KCNQ4: variants seen among roughly 807,000 people sequenced by gnomAD.
KCNQ4 encodes potassium voltage-gated channel subfamily Q member 4, also known as potassium voltage-gated channel subfamily KQT member 4.
A neutral mutation model predicts 72.6 loss-of-function variants in KCNQ4; 31 were observed. That is an observed-to-expected ratio of 0.43 (90% confidence interval 0.32 to 0.58). The LOEUF is 0.58. KCNQ4 is among the 20% of genes least tolerant of loss of function. The pLI, the probability that KCNQ4 is intolerant of heterozygous loss-of-function variation, is 0.08. For missense variants in KCNQ4, 869 were observed against 962.6 expected, an observed-to-expected ratio of 0.90 and a Z score of 1.29; for synonymous variants, 405 against 403.7, an observed-to-expected ratio of 1.00 and a Z score of -0.04.
chr1:40,796,646 G>T (rs1647419063), intron 1 of KCNQ4, among the ~76,000 whole-genome samples: 1 of 152,194 alleles, frequency 6.6e-6, no homozygotes, highest in African/African-American at 2.4e-5. Context: ...GCCGGGCGCT[G>T]TGGCTCACGC....
At chr1:40,819,018 G>A in intron 4 of KCNQ4, 1 of 561,440 alleles carries the variant, frequency 1.8e-6, no homozygotes, top group Non-Finnish European at 3.3e-6. Context: ...GGCTGGAGCG[G>A]GGCTAGGGTG....
rs963923170 is a variant in KCNQ4, at chr1:40,794,619, C to G, written c.314+10212C>G. ...AAGGCAAAACTGAGGAGAATAAGGACGGGGTGGCGACTCTTTCATAAAGCT... is the reference window on the plus strand; with the variant it reads ...AAGGCAAAACTGAGGAGAATAAGGAGGGGGTGGCGACTCTTTCATAAAGCT... On this transcript the variant is annotated intron_variant, in intron 1 of 13. Coordinates refer to ENST00000347132, the MANE Select transcript of KCNQ4 (RefSeq NM_004700.4). The surrounding 1 kb of genome is among the most constrained non-coding windows in gnomAD (Gnocchi z 4.2). 1.3e-5 allele frequency among the ~76,000 whole-genome samples: 2 copies of G among 152,136 alleles called. No individual in the cohort carries two copies. The highest frequency in any genetic ancestry group is 4.1e-4 in the South Asian group (2 of 4,828).
intron 9 of KCNQ4, among the ~76,000 whole-genome samples, chr1:40,830,681 T>C (rs1648614560): frequency 6.6e-6 from 1 of 152,044 alleles, no homozygotes; most frequent in Non-Finnish European, 1.5e-5. Context: ...CTTCCGACCC[T>C]CAGCAGCCTG....
In KCNQ4 at chr1:40,817,915, T is replaced by C. The variant is rs1384113193; in HGVS notation, c.406-249T>C. ...GACAGCTGGGACAGGGAGGGCCTGT[T>C]GAGGAGCAGAAAAATCCGATCAGTT... On this transcript the variant is annotated intron_variant, in intron 2 of 13. Coordinates refer to ENST00000347132, the MANE Select transcript of KCNQ4 (RefSeq NM_004700.4). The surrounding 1 kb of genome is among the most constrained non-coding windows in gnomAD (Gnocchi z 5.5). Among the ~76,000 whole-genome samples, 1 of 152,028 alleles carries C rather than the reference T, an allele frequency of 6.6e-6. No homozygotes were observed. The highest frequency in any genetic ancestry group is 1.5e-5 in the Non-Finnish European group (1 of 67,992).
At chr1:40,801,398 A>T (rs183541791) in intron 1 of KCNQ4, among the ~76,000 whole-genome samples, 44 of 152,274 alleles carry the variant, frequency 2.9e-4, no homozygotes, top group Middle Eastern at 3.4e-3. Flanking sequence ...AAAGCAGGCC[A>T]CTTCACACAA....
chr1:40,810,423 G>A (rs1343918869), intron 1 of KCNQ4, among the ~76,000 whole-genome samples: 1 of 152,230 alleles, frequency 6.6e-6, no homozygotes, highest in Non-Finnish European at 1.5e-5. Flanking sequence ...GTCATGTTCT[G>A]TGTTGTTAAT....
chr1:40,799,291 C>T (rs1420666060), intron 1 of KCNQ4, among the ~76,000 whole-genome samples: 1 of 152,170 alleles, frequency 6.6e-6, no homozygotes, highest in African/African-American at 2.4e-5. Context: ...GGGGCGATGT[C>T]AGGGAGGTTT....
At chr1:40,824,728 T>C (rs1294795184) in intron 9 of KCNQ4, among the ~76,000 whole-genome samples, 1 of 152,160 alleles carries the variant, frequency 6.6e-6, no homozygotes, top group African/African-American at 2.4e-5. Context: ...AGGGACTTAG[T>C]ACTGAACTCG....
intron 12 of KCNQ4, among the ~76,000 whole-genome samples, chr1:40,835,410 C>T (rs1040669203): frequency 3.3e-5 from 5 of 152,228 alleles, no homozygotes; most frequent in East Asian, 1.9e-4. Flanking sequence ...CTAAAATAAT[C>T]ACTGACCTCC....
intron 1 of KCNQ4, chr1:40,804,817 CAA>C (rs34127672): frequency 8.0e-4 from 71 of 88,978 alleles, no homozygotes; most frequent in East Asian, 1.8e-3. Flanking sequence ...GACCCTGTCT[CAA>C]AAAAAAAAAA....
intron 8 of KCNQ4, 128 bp downstream of exon 8, chr1:40,822,530 C>A: frequency 1.4e-6 from 1 of 705,228 alleles, no homozygotes; most frequent in Non-Finnish European, 2.5e-6. Context: ...CCTGGGCTGG[C>A]TCTGCAGATC....
At chr1:40,827,853 A>G (rs943987493) in intron 9 of KCNQ4, among the ~76,000 whole-genome samples, 1 of 152,228 alleles carries the variant, frequency 6.6e-6, no homozygotes, top group African/African-American at 2.4e-5. Flanking sequence ...CCTGGCTCCA[A>G]TAAATATTGG....
chr1:40,835,513 G>T (rs1648784109), intron 12 of KCNQ4, among the ~76,000 whole-genome samples: 1 of 152,186 alleles, frequency 6.6e-6, no homozygotes, highest in Non-Finnish European at 1.5e-5. Context: ...GCATTAGGAA[G>T]AATCCTCACC....
intron 12 of KCNQ4, among the ~76,000 whole-genome samples, chr1:40,836,882 A>G (rs886535241): frequency 6.6e-5 from 10 of 152,120 alleles, no homozygotes; most frequent in African/African-American, 2.2e-4. Context: ...TGACTGGAGT[A>G]GGTTTAAGAG....
Position 40,784,215 on chromosome 1 carries a change from C to A in KCNQ4, c.122C>A (p.Ser41Tyr). 1 of 1,163,766 alleles carries A rather than the reference C, an allele frequency of 8.6e-7. No individual in the cohort carries two copies. The highest frequency in any genetic ancestry group is 1.1e-6 in the Non-Finnish European group (1 of 949,440). 72.1% of individuals were successfully genotyped at this position (1,163,766 alleles called of 1,614,324 possible). ...CAGGGCGAGGCGGGCGGGGGCGGCT[C>A]CCCGCGCCGCCTCGGCCTCCTGGGC... Reference protein sequence around the residue: ...SEQGEAGGGGSPRRLGLLGSP... With the variant: ...SEQGEAGGGGYPRRLGLLGSP... The change falls in exon 1 of 14, where the codon TCC becomes TAC. Residue 41 changes from serine to tyrosine, a missense_variant. Coordinates refer to ENST00000347132, the MANE Select transcript of KCNQ4 (RefSeq NM_004700.4). The surrounding 1 kb of genome is among the most constrained non-coding windows in gnomAD (Gnocchi z 4.1).
intron 1 of KCNQ4, among the ~76,000 whole-genome samples, chr1:40,809,498 A>G (rs1157392131): frequency 2.0e-5 from 3 of 152,196 alleles, no homozygotes; most frequent in African/African-American, 7.2e-5. Context: ...ACCTTCATCC[A>G]TCCAATGCCC....
chr1:40,825,326 C>T lies in KCNQ4; in HGVS notation c.1292+1068C>T, dbSNP rs142884300. Among the ~76,000 whole-genome samples, 6 of 152,308 alleles carry T rather than the reference C, an allele frequency of 3.9e-5. No homozygotes were observed. In the East Asian group the frequency reaches 1.2e-3, roughly 29 times the overall value. On this transcript the variant is annotated intron_variant, in intron 9 of 13. Transcript: ENST00000347132. Reference sequence around the variant, plus strand: ...GCAGGGGAGGCGTGGTGGAAGCTCGCCTCTGCCACCCGATGCTGTGTGTCC... The same window carrying T: ...GCAGGGGAGGCGTGGTGGAAGCTCGTCTCTGCCACCCGATGCTGTGTGTCC...
intron 1 of KCNQ4, among the ~76,000 whole-genome samples, chr1:40,814,915 T>G (rs1648039150): frequency 6.6e-6 from 1 of 151,808 alleles, no homozygotes; most frequent in Non-Finnish European, 1.5e-5. Flanking sequence ...AGTGGAAATT[T>G]TATAGATGTG....
intron 1 of KCNQ4, among the ~76,000 whole-genome samples, chr1:40,812,381 C>T (rs942881322): frequency 5.3e-4 from 81 of 152,266 alleles, no homozygotes; most frequent in Middle Eastern, 3.4e-3. Flanking sequence ...CTCAGCCTCC[C>T]GAGTAGCTGG....
Sources: allele counts gnomAD v4.1 joint callset (sites outside exome capture counted in the v4.1 genomes callset), GRCh38; gene constraint gnomAD v4.1.1; non-coding constraint Gnocchi (gnomAD v3.1); transcripts MANE v1.5; gene names NCBI Gene and HGNC (gene_info 2026-07-23, HGNC 2026-07-21).